Variants in R3HDML observed in about 807,000 individuals in gnomAD.
R3HDML encodes the protein peptidase inhibitor R3HDML.
R3HDML carries 21 observed loss-of-function variants against 24.2 expected under a neutral mutation model. That is an observed-to-expected ratio of 0.87 (90% CI 0.62 to 1.25). The LOEUF (loss-of-function observed/expected upper bound fraction) is 1.25, where lower values mean the gene tolerates loss of function less well. Ranked by LOEUF, R3HDML falls within the 50% of genes most tolerant of loss-of-function variation. The probability of loss-of-function intolerance (pLI) is 0.00; values close to 1 mark genes in which losing one functional copy is unlikely to be tolerated. For synonymous variants in R3HDML, 133 were observed against 131.5 expected (o/e 1.01, Z -0.08); for missense variants, 301 against 340.3 (o/e 0.88, Z 0.91).
At chr20:44,345,706 G>A (rs1470652060) in intron 4 of R3HDML, among the ~76,000 whole-genome samples, 1 of 152,020 alleles carries the variant, frequency 6.6e-6, no homozygotes, top group Admixed American at 6.6e-5. Context: ...GAGGGGTGAG[G>A]CGGGAGGGTC....
chr20:44,348,710 C>T (rs915223697), intron 4 of R3HDML, among the ~76,000 whole-genome samples: 6 of 151,858 alleles, frequency 4.0e-5, no homozygotes, highest in African/African-American at 7.3e-5. Flanking sequence ...ACGGGGGTCT[C>T]GCCATGTTGC....
At position 44,344,280 on chromosome 20, in the gene R3HDML, CA is replaced by C. The variant is rs577772886; in HGVS notation, c.513+786del. Among the ~76,000 whole-genome samples the C allele has an allele frequency of 5.8e-3, 669 of 114,540 alleles. 5 individuals are homozygous for C. The highest frequency in any genetic ancestry group is 0.015 in the African/African-American group (457 of 30,136). The allele number at this position is 114,540 out of a possible 152,430, so 75.1% of individuals were successfully genotyped here. On this transcript the variant is annotated intron_variant, in intron 3 of 4. Coordinates refer to ENST00000217043, the MANE Select transcript of R3HDML (RefSeq NM_178491.4). Reference sequence around the variant, plus strand: ...TGGGCAACAGAACGAGACTCCGTCTCAAAAAAAAAAAAAAAGTGAAGCTTGG... The same window carrying C: ...TGGGCAACAGAACGAGACTCCGTCTCAAAAAAAAAAAAAAGTGAAGCTTGG...
chr20:44,341,163 C>T (rs369822743), intron 1 of R3HDML, 33 bp from the exon 2 acceptor site: 2 of 1,562,126 alleles, frequency 1.3e-6, no homozygotes, highest in Non-Finnish European at 1.8e-6. Context: ...GTGGCAATTC[C>T]CCTGGGGAAT....
intron 4 of R3HDML, among the ~76,000 whole-genome samples, chr20:44,346,629 A>G (rs771299952): frequency 1.3e-5 from 2 of 152,232 alleles, no homozygotes; most frequent in Non-Finnish European, 2.9e-5. Context: ...CCTTCTTAGA[A>G]GTACAGTGCC....
chr20:44,339,937 CCTGA>C (rs1348679117), intron 1 of R3HDML, among the ~76,000 whole-genome samples: 1 of 151,902 alleles, frequency 6.6e-6, no homozygotes, highest in Non-Finnish European at 1.5e-5. Flanking sequence ...CACCACCATG[CCTGA>C]CTAATTTTTG....
intron 2 of R3HDML, 102 bp from the exon 3 acceptor site, chr20:44,343,275 G>A (rs2062776811): frequency 7.0e-7 from 1 of 1,418,768 alleles, no homozygotes; most frequent in African/African-American, 1.4e-5. Flanking sequence ...CTGAGATGGG[G>A]GAAAGGAAGC....
At chr20:44,345,154 C>T in intron 3 of R3HDML, 109 bp from the exon 4 acceptor site, 1 of 825,990 alleles carries the variant, frequency 1.2e-6, no homozygotes, top group Non-Finnish European at 2.1e-6. Flanking sequence ...TTGGAACAGG[C>T]AGACTGTCTC....
In R3HDML at chr20:44,350,689, A is replaced by G; in HGVS notation, c.659A>G (p.Lys220Arg). The change falls in exon 5 of 5, where the codon AAG (lysine) becomes AGG (arginine). Residue 220 changes from lysine to arginine, a missense_variant. Physicochemically the swap from Lys to Arg is conservative, Grantham distance 26. Transcript: ENST00000217043. ...AACTGGATTGGCGAGTCCCCGTACA[A>G]GATGGGAAAGCCGTGCTCCTCCTGT... ...KGNWIGESPY[K>R]MGKPCSSCPP... 6.2e-7 allele frequency: 1 copy of G among 1,613,896 alleles called. No homozygotes were observed. The highest frequency in any genetic ancestry group is 8.5e-7 in the Non-Finnish European group (1 of 1,179,968).
chr20:44,338,809 C>T (rs531507448), intron 1 of R3HDML, among the ~76,000 whole-genome samples: 2 of 152,302 alleles, frequency 1.3e-5, no homozygotes, highest in South Asian at 2.1e-4. Flanking sequence ...CAGTGGCTCA[C>T]GCCAGTAATC....
chr20:44,346,716 G>T (rs1174585711), intron 4 of R3HDML, among the ~76,000 whole-genome samples: 1 of 152,240 alleles, frequency 6.6e-6, no homozygotes. Context: ...CCAAAGAAAA[G>T]GAAGGAGGAA....
intron 1 of R3HDML, among the ~76,000 whole-genome samples, chr20:44,339,289 G>A (rs2062765950): frequency 6.6e-6 from 1 of 152,124 alleles, no homozygotes; most frequent in South Asian, 2.1e-4. Flanking sequence ...ATGACTTGTT[G>A]AAGGCCTTGT....
At chr20:44,350,424 GT>G (rs1169736194) in intron 4 of R3HDML, among the ~76,000 whole-genome samples, 2 of 152,112 alleles carry the variant, frequency 1.3e-5, no homozygotes, top group Non-Finnish European at 2.9e-5. Flanking sequence ...ACTGAGCTGA[GT>G]TGGGAGGATT....
At chr20:44,339,597 G>GTGTGTGTGTGTGTGTGTC (rs1287090149) in intron 1 of R3HDML, among the ~76,000 whole-genome samples, 1 of 151,446 alleles carries the variant, frequency 6.6e-6, no homozygotes, top group African/African-American at 2.4e-5. Context: ...GTGTGTGTGT[G>GTGTGTGTGTGTGTGTGTC]TGTGTGTGTC....
intron 2 of R3HDML, among the ~76,000 whole-genome samples, chr20:44,341,851 C>T (rs2062773276): frequency 6.6e-6 from 1 of 152,092 alleles, no homozygotes; most frequent in South Asian, 2.1e-4. Flanking sequence ...CGCCACTGCA[C>T]TCTAGCCTGA....
Position 44,345,386 on chromosome 20 carries a change from C to T in R3HDML, c.629+8C>T, listed in dbSNP as rs375959646. On this transcript the variant is annotated splice_region_variant and intron_variant, in intron 4 of 4. Transcript: ENST00000217043. ...CTGCAACTATGCCATTAAGTAAGTG[C>T]CTGCACCAAGGCAAAGAGGGCCCTG... 9 of 1,605,086 alleles carry T rather than the reference C, an allele frequency of 5.6e-6. No individual in the cohort carries two copies. The highest frequency in any genetic ancestry group is 6.8e-6 in the Non-Finnish European group (8 of 1,174,230).
intron 1 of R3HDML, among the ~76,000 whole-genome samples, chr20:44,340,486 ATAC>A (rs1288350005): frequency 2.6e-5 from 4 of 152,240 alleles, no homozygotes; most frequent in African/African-American, 9.6e-5. Flanking sequence ...CATTTAGAAA[ATAC>A]TACAAGGCCG....
chr20:44,342,460 T>C (rs4812823), intron 2 of R3HDML, among the ~76,000 whole-genome samples: 60,729 of 151,836 alleles, frequency 0.4, 12,918 homozygotes, highest in Admixed American at 0.51. Flanking sequence ...TCTCCCCCGC[T>C]GCTGAACTCT....
intron 4 of R3HDML, among the ~76,000 whole-genome samples, chr20:44,349,446 T>C (rs1297982786): frequency 1.3e-5 from 2 of 152,116 alleles, no homozygotes. Flanking sequence ...AGAGCACCTT[T>C]TGAGAACTGT....
chr20:44,347,148 C>CAAA (rs2062789487), intron 4 of R3HDML, among the ~76,000 whole-genome samples: 1 of 151,960 alleles, frequency 6.6e-6, no homozygotes, highest in Non-Finnish European at 1.5e-5. Context: ...TCTCAAACAA[C>CAAA]AACAACAACA....
Sources: gnomAD v4.1 joint callset for allele counts (sites outside exome capture counted in the v4.1 genomes callset) on GRCh38, gnomAD v4.1.1 for gene constraint, MANE v1.5 for transcripts, NCBI Gene and HGNC (gene_info 2026-07-23, HGNC 2026-07-21) for gene names.